The following DDX50 variants were observed in gnomAD, a reference collection of about 807,000 sequenced individuals.
DDX50 encodes the protein ATP-dependent RNA helicase DDX50.
DDX50 carries 56 observed loss-of-function variants against 94.8 expected under a neutral mutation model. The observed-to-expected ratio is 0.59, with a 90% CI of 0.48 to 0.74. The LOEUF (loss-of-function observed/expected upper bound fraction) is 0.74. DDX50 is among the 30% of genes least tolerant of loss of function. DDX50 has a pLI of 0.00. For missense variants in DDX50, 713 were observed against 881.2 expected (o/e 0.81, Z 2.42); for synonymous variants, 264 against 295.4 (o/e 0.89, Z 1.09).
At chr10:68,907,982 T>C (rs1841506557) in intron 2 of DDX50, among the ~76,000 whole-genome samples, 1 of 152,198 alleles carries the variant, frequency 6.6e-6, no homozygotes, top group Non-Finnish European at 1.5e-5. Context: ...TGTGCAGAGC[T>C]GTATGAATAA....
intron 14 of DDX50, among the ~76,000 whole-genome samples, chr10:68,945,608 A>G (rs898590481): frequency 2.6e-5 from 4 of 152,108 alleles, no homozygotes; most frequent in African/African-American, 7.2e-5. Context: ...TGCCCGGCCA[A>G]TAACAACTTT....
intron 12 of DDX50, among the ~76,000 whole-genome samples, chr10:68,938,328 A>G (rs1039950114): frequency 2.0e-5 from 3 of 152,234 alleles, no homozygotes; most frequent in Non-Finnish European, 2.9e-5. Flanking sequence ...GCCTGCTGCC[A>G]GATTCGTATC....
Position 68,941,112 on chromosome 10 carries a change from G to A in DDX50, c.1808G>A (p.Cys603Tyr). Residue 603 changes from cysteine to tyrosine, a missense_variant, in exon 13 of 15, where the codon TGT (cysteine) becomes TAT (tyrosine). By Grantham distance (194) the Cys-to-Tyr change is radical (BLOSUM62 -2). Around this residue, in one of 2 missense-constraint regions of DDX50, gnomAD observed 428 missense variants for 602.3 expected, o/e 0.71. Coordinates refer to ENST00000373585, the MANE Select transcript of DDX50 (RefSeq NM_024045.2). ...ESLEEIQDVS[C>Y]AWKELNRKLS... The stretch of plus-strand genomic sequence containing the variant: ...CTAGAGGAAATACAGGATGTCAGCT[G>A]TGCTTGGAAAGAACTTAACAGAAAG... 6.2e-7 allele frequency: 1 copy of A among 1,612,796 alleles called. No homozygotes were observed. The highest frequency in any genetic ancestry group is 8.5e-7 in the Non-Finnish European group (1 of 1,179,940).
intron 8 of DDX50, among the ~76,000 whole-genome samples, chr10:68,925,840 C>T (rs1009781122): frequency 9.2e-5 from 14 of 151,816 alleles, no homozygotes; most frequent in African/African-American, 2.7e-4. Context: ...ATGGTGAAAC[C>T]CGGTCTCCAC....
rs764711042 is a variant in DDX50 at position 68,910,363 on chromosome 10, G to A, written c.441G>A (p.Glu147=). The change falls in exon 3 of 15, where the codon GAG becomes GAA. Residue 147 remains glutamate (E), a synonymous_variant. Coordinates refer to ENST00000373585, the MANE Select transcript of DDX50 (RefSeq NM_024045.2). ...TCTCCAATTTTCCTATTTCTGAAGA[G>A]ACTATAAAGCTTCTGAAAGGTATGC... ...GAFSNFPISE[E]TIKLLKGRGV... is the part of the protein sequence containing the mutation. 2 of 1,606,134 alleles carry A rather than the reference G, an allele frequency of 1.2e-6. No homozygotes were observed. The highest frequency in any genetic ancestry group is 4.5e-5 in the East Asian group (2 of 44,732).
intron 8 of DDX50, among the ~76,000 whole-genome samples, chr10:68,922,393 T>C (rs1486951285): frequency 1.3e-5 from 2 of 152,224 alleles, no homozygotes; most frequent in Non-Finnish European, 2.9e-5. Context: ...TAGTATAGTC[T>C]TAATTTGTGA....
At chr10:68,915,757 G>A (rs1436914848) in intron 7 of DDX50, among the ~76,000 whole-genome samples, 1 of 151,610 alleles carries the variant, frequency 6.6e-6, no homozygotes, top group Non-Finnish European at 1.5e-5. Flanking sequence ...AATATTTACC[G>A]TATTTATGAC....
intron 8 of DDX50, among the ~76,000 whole-genome samples, chr10:68,931,390 A>AT (rs1312993056): frequency 0.037 from 1,709 of 46,742 alleles, 40 homozygotes; most frequent in African/African-American, 0.095. Context: ...ATTAAAAAAA[A>AT]AAATATATAT....
intron 14 of DDX50, among the ~76,000 whole-genome samples, chr10:68,945,308 C>CT (rs1742463132): frequency 5.1e-5 from 6 of 117,812 alleles, no homozygotes; most frequent in Non-Finnish European, 1.0e-4. Context: ...TTAATAACAA[C>CT]ATTTTTTTTT....
At chr10:68,938,203 A>C (rs1842470778) in intron 12 of DDX50, among the ~76,000 whole-genome samples, 3 of 152,310 alleles carry the variant, frequency 2.0e-5, no homozygotes, top group Admixed American at 6.5e-5. Flanking sequence ...GTTTCCATGG[A>C]ATCCTGCAAA....
intron 2 of DDX50, 138 bp downstream of exon 2, chr10:68,907,145 C>T (rs1589248588): frequency 1.2e-6 from 1 of 830,792 alleles, no homozygotes; most frequent in East Asian, 2.9e-5. Flanking sequence ...AGAGTCTGTA[C>T]AGGTGAAGCC....
chr10:68,943,856 T>C (rs2132066568), intron 14 of DDX50, among the ~76,000 whole-genome samples: 1 of 152,322 alleles, frequency 6.6e-6, no homozygotes, highest in Non-Finnish European at 1.5e-5. Flanking sequence ...GGAATATTGG[T>C]GTGAGCCACC....
intron 8 of DDX50, among the ~76,000 whole-genome samples, chr10:68,930,701 GC>G (rs999194304): frequency 5.3e-5 from 8 of 152,108 alleles, no homozygotes; most frequent in African/African-American, 1.9e-4. Flanking sequence ...CTGTCCCCCA[GC>G]CTGGAGTACA....
At chr10:68,917,454 G>A (rs946268545) in intron 7 of DDX50, among the ~76,000 whole-genome samples, 8 of 152,046 alleles carry the variant, frequency 5.3e-5, no homozygotes, top group African/African-American at 9.7e-5. Context: ...GTGAGACTCC[G>A]TCTCAAAAAA....
chr10:68,934,074 A>G lies in DDX50; in HGVS notation c.1240-125A>G, dbSNP rs995997309. Reference sequence around the variant, plus strand: ...TTGACTTTTTTTTTTTACAGTAAGCATGCATTGTTAAAATCATCAAAGTAA... The same window carrying G: ...TTGACTTTTTTTTTTTACAGTAAGCGTGCATTGTTAAAATCATCAAAGTAA... On this transcript the variant is annotated intron_variant, in intron 8 of 14. Transcript: ENST00000373585. The surrounding 1 kb of genome is among the most constrained non-coding windows in gnomAD (Gnocchi z 4.0). 17 of 891,658 alleles carry G rather than the reference A, an allele frequency of 1.9e-5. No individual in the cohort carries two copies. The African/African-American group carries it at 2.8e-4, about 15-fold the overall frequency. 55.2% of individuals were successfully genotyped at this position (891,658 alleles called of 1,614,324 possible). A position where few individuals can be genotyped will look rare whatever the true frequency, so the allele number is the denominator to read the frequency against.
At chr10:68,914,760 G>A (rs1181159332) in intron 7 of DDX50, among the ~76,000 whole-genome samples, 7 of 152,214 alleles carry the variant, frequency 4.6e-5, no homozygotes, top group East Asian at 3.8e-4. Context: ...GGTGGCTCAC[G>A]CCTGTAATCC....
intron 8 of DDX50, among the ~76,000 whole-genome samples, chr10:68,933,591 T>C (rs1321136846): frequency 1.3e-5 from 2 of 151,896 alleles, no homozygotes; most frequent in Non-Finnish European, 2.9e-5. Flanking sequence ...TATAAATAAA[T>C]ACATAAAGTC....
At chr10:68,944,788 G>A (rs1238819620) in intron 14 of DDX50, among the ~76,000 whole-genome samples, 5 of 151,950 alleles carry the variant, frequency 3.3e-5, no homozygotes, top group East Asian at 1.9e-4. Context: ...CTCATGATCC[G>A]CCCGCCTCGG....
At position 68,911,258 on chromosome 10, in the gene DDX50, AG is replaced by A; in HGVS notation, c.639+17del. The A allele has an allele frequency of 6.4e-7, 1 of 1,558,224 alleles. No individual in the cohort carries two copies. Among genetic ancestry groups the A allele is most frequent in the Non-Finnish European group, 8.6e-7 (1 of 1,156,904 alleles). On this transcript the variant is annotated intron_variant, in intron 4 of 14. Transcript: ENST00000373585. Reference sequence around the variant, plus strand: ...GCCGCTCACCAAAGGTAATCGTTATAGGGGGTAAAAGCTTTAAATGTTACTC... The same window carrying A: ...GCCGCTCACCAAAGGTAATCGTTATAGGGGTAAAAGCTTTAAATGTTACTC...
Sources: allele counts gnomAD v4.1 joint callset (sites outside exome capture counted in the v4.1 genomes callset), GRCh38; gene constraint gnomAD v4.1.1; regional missense constraint gnomAD v4.1.1; non-coding constraint Gnocchi (gnomAD v3.1); transcripts MANE v1.5; gene names NCBI Gene and HGNC (gene_info 2026-07-23, HGNC 2026-07-21).